Variants in RNF169 observed in about 807,000 individuals in gnomAD.
RNF169 encodes the protein E3 ubiquitin-protein ligase RNF169.
A neutral mutation model predicts 53.9 loss-of-function variants in RNF169; 24 were observed. The observed-to-expected ratio is 0.45, with a 90% CI of 0.32 to 0.63. The LOEUF (loss-of-function observed/expected upper bound fraction) is 0.63. Ranked by LOEUF, RNF169 falls within the 20% of genes least tolerant of loss-of-function variation. The probability of loss-of-function intolerance (pLI) is 0.04; values close to 1 mark genes in which losing one functional copy is unlikely to be tolerated. For missense variants in RNF169, 883 were observed against 906.2 expected (o/e 0.97, Z 0.33); for synonymous variants, 396 against 363.5 (o/e 1.09, Z -1.02).
At chr11:74,813,401 GTTTAA>G (rs781390860) in intron 3 of RNF169, among the ~76,000 whole-genome samples, 119 of 152,286 alleles carry the variant, frequency 7.8e-4, no homozygotes, top group Non-Finnish European at 4.4e-4. Flanking sequence ...TGAGCACAGT[GTTTAA>G]TTTATTACAA....
intron 1 of RNF169, among the ~76,000 whole-genome samples, chr11:74,780,467 T>C (rs543942165): frequency 6.6e-6 from 1 of 152,346 alleles, no homozygotes; most frequent in East Asian, 1.9e-4. Flanking sequence ...CTAGTACTTG[T>C]TCTTAATGCC....
At chr11:74,809,487 G>A (rs528360763) in intron 2 of RNF169, among the ~76,000 whole-genome samples, 2 of 152,238 alleles carry the variant, frequency 1.3e-5, no homozygotes, top group East Asian at 3.9e-4. Flanking sequence ...ATAATGCCAT[G>A]CCACCTCCCC....
At chr11:74,772,934 A>G (rs1402543942) in intron 1 of RNF169, among the ~76,000 whole-genome samples, 1 of 152,262 alleles carries the variant, frequency 6.6e-6, no homozygotes, top group Non-Finnish European at 1.5e-5. Flanking sequence ...CTAATAGTCC[A>G]TAGTATGTCA....
rs763028799 is a variant in RNF169, at chr11:74,836,656, C to T, written c.2053C>T (p.Arg685Trp). 38 of 1,613,880 alleles carry T rather than the reference C, an allele frequency of 2.4e-5. No individual in the cohort carries two copies. In the East Asian group the frequency reaches 4.0e-4, roughly 17 times the overall value. Residue 685 changes from arginine (R) to tryptophan (W), a missense_variant, in exon 6 of 6, where the codon CGG becomes TGG. By Grantham distance (101) the Arg-to-Trp change is moderately radical. This residue lies in a region of RNF169 where 351 missense variants were observed against 337.3 expected (regional missense o/e 1.04). Coordinates refer to ENST00000299563, the MANE Select transcript of RNF169 (RefSeq NM_001098638.2). ...QLQRMFDNER[R>W]TVSRRKGSVD... ...GCAGCGCATGTTCGACAATGAGAGG[C>T]GGACTGTGAGCCGGCGAAAAGGAAG... is the stretch of plus-strand genomic sequence containing the variant.
chr11:74,818,604 G>T (rs2035970199), intron 4 of RNF169, among the ~76,000 whole-genome samples: 1 of 152,042 alleles, frequency 6.6e-6, no homozygotes, highest in South Asian at 2.1e-4. Flanking sequence ...GTGTTGCCCA[G>T]GCTGGTCTTG....
At chr11:74,812,594 C>T (rs1261500709) in intron 3 of RNF169, among the ~76,000 whole-genome samples, 3 of 152,272 alleles carry the variant, frequency 2.0e-5, no homozygotes, top group African/African-American at 7.2e-5. Context: ...CATGATCATG[C>T]CAGTGTGCCT....
Position 74,840,598 on chromosome 11 carries a change from A to G in RNF169, c.*3868A>G, listed in dbSNP as rs2036373119. ...CAGTAACCACCTAATCTCTCCCCCA[A>G]CCTGATCTCTCATCAGAGCTGGCAG... is the stretch of plus-strand genomic sequence containing the variant. On this transcript the variant is annotated 3_prime_UTR_variant, in exon 6 of 6. Transcript: ENST00000299563. 6.6e-6 allele frequency: 1 copy of G among 151,936 alleles called. No individual in the cohort carries two copies. Among genetic ancestry groups the G allele is most frequent in the Admixed American group, 6.6e-5 (1 of 15,254 alleles). 9.4% of individuals were successfully genotyped at this position (151,936 alleles called of 1,614,324 possible).
intron 1 of RNF169, among the ~76,000 whole-genome samples, chr11:74,751,922 A>G (rs1269476005): frequency 2.0e-5 from 3 of 152,270 alleles, no homozygotes. Flanking sequence ...ACAAAAATGT[A>G]ACAAAGTATA....
At chr11:74,763,790 G>C (rs533208283) in intron 1 of RNF169, among the ~76,000 whole-genome samples, 39 of 152,320 alleles carry the variant, frequency 2.6e-4, no homozygotes, top group Non-Finnish European at 5.0e-4. Context: ...GAATTTTTTA[G>C]AATTAGTAAA....
chr11:74,824,642 A>T (rs980081548), intron 4 of RNF169, among the ~76,000 whole-genome samples: 1 of 152,246 alleles, frequency 6.6e-6, no homozygotes, highest in Non-Finnish European at 1.5e-5. Flanking sequence ...ATAATCATGA[A>T]AAAGTTTGAA....
At chr11:74,751,242 CTG>C (rs1278327069) in intron 1 of RNF169, among the ~76,000 whole-genome samples, 1 of 152,148 alleles carries the variant, frequency 6.6e-6, no homozygotes, top group Non-Finnish European at 1.5e-5. Flanking sequence ...ATAGATGAAA[CTG>C]AGGTCCAGAG....
rs960675255 is a variant in RNF169 at position 74,842,118 on chromosome 11, T to A, written c.*5388T>A. The A allele has an allele frequency of 6.6e-6, 1 of 152,176 alleles. No homozygotes were observed. Among genetic ancestry groups the A allele is most frequent in the Non-Finnish European group, 1.5e-5 (1 of 68,020 alleles). The allele number at this position is 152,176 out of a possible 1,614,324, so 9.4% of individuals were successfully genotyped here. A position where few individuals can be genotyped will look rare whatever the true frequency, so the allele number is the denominator to read the frequency against. The stretch of plus-strand genomic sequence containing the variant: ...GCCTAGAAAATAGGTTGTGTATTGG[T>A]TTTATTCAACCTGCTGTCTGCTTTA... On this transcript the variant is annotated 3_prime_UTR_variant, in exon 6 of 6. Coordinates refer to ENST00000299563, the MANE Select transcript of RNF169 (RefSeq NM_001098638.2).
chr11:74,773,471 C>T (rs74696644), intron 1 of RNF169, among the ~76,000 whole-genome samples: 7,554 of 152,112 alleles, frequency 0.05, 301 homozygotes, highest in Non-Finnish European at 0.071. Context: ...AAGCTAAATA[C>T]GAATGAAAGG....
At chr11:74,789,164 A>G (rs556364946) in intron 1 of RNF169, among the ~76,000 whole-genome samples, 3 of 152,310 alleles carry the variant, frequency 2.0e-5, no homozygotes, top group Admixed American at 6.5e-5. Flanking sequence ...ACTGTTTTCT[A>G]TATTTGCCTT....
chr11:74,814,554 T>C (rs2035918775), intron 3 of RNF169, among the ~76,000 whole-genome samples: 1 of 151,686 alleles, frequency 6.6e-6, no homozygotes, highest in South Asian at 2.1e-4. Context: ...CTAGTTTTTT[T>C]TTCAAGTTTT....
At chr11:74,791,796 A>C (rs2035583501) in intron 2 of RNF169, among the ~76,000 whole-genome samples, 2 of 152,194 alleles carry the variant, frequency 1.3e-5, no homozygotes, top group South Asian at 4.1e-4. Flanking sequence ...GGGTGGCTAC[A>C]GCTACACCCA....
intron 2 of RNF169, among the ~76,000 whole-genome samples, chr11:74,793,498 C>T (rs932135550): frequency 6.6e-6 from 1 of 152,110 alleles, no homozygotes; most frequent in East Asian, 1.9e-4. Flanking sequence ...AATTCTAGTT[C>T]TTTTAAAAGG....
At chr11:74,794,134 A>G (rs1213833903) in intron 2 of RNF169, among the ~76,000 whole-genome samples, 1 of 152,216 alleles carries the variant, frequency 6.6e-6, no homozygotes. Flanking sequence ...AAGTAAAATC[A>G]GGGTTCTCTT....
chr11:74,828,111 A>G (rs2036126067), intron 4 of RNF169, among the ~76,000 whole-genome samples: 1 of 152,240 alleles, frequency 6.6e-6, no homozygotes, highest in South Asian at 2.1e-4. Context: ...AAGCTTATTA[A>G]TCTGATAAGC....
Sources: allele counts gnomAD v4.1 joint callset (sites outside exome capture counted in the v4.1 genomes callset), GRCh38; gene constraint gnomAD v4.1.1; regional missense constraint gnomAD v4.1.1; transcripts MANE v1.5; gene names NCBI Gene and HGNC (gene_info 2026-07-23, HGNC 2026-07-21).